Variants in HIVEP3 observed in about 807,000 individuals in gnomAD.
The protein encoded by HIVEP3 is HIVEP zinc finger 3.
Under a neutral mutation model 152.8 loss-of-function variants are expected in HIVEP3, and 49 were observed. The ratio of observed to expected loss-of-function variants is 0.32; its 90% CI spans 0.26 to 0.41. The LOEUF is 0.41. Ranked by LOEUF, HIVEP3 falls within the 10% of genes least tolerant of loss-of-function variation. The pLI is 1.00. For synonymous variants in HIVEP3, 1,269 were observed against 1,289.0 expected, an observed-to-expected ratio of 0.98 and a Z score of 0.33; for missense variants, 2,790 against 3,103.3, an observed-to-expected ratio of 0.90 and a Z score of 2.40.
In HIVEP3 at chr1:42,011,136, C is replaced by A. The variant is rs572590953; in HGVS notation, n.119+24671G>T. On this transcript the variant is annotated intron_variant and non_coding_transcript_variant, in intron 1 of 3. Coordinates refer to the HIVEP3 transcript ENST00000489103. ...TTTTTTTCTAGATGCCTTTAGCCAC[C>A]ATTTCAGAAGATTCCAAGAAGGCAG... Among the ~76,000 whole-genome samples the A allele has an allele frequency of 1.8e-4, 28 of 152,218 alleles. No homozygotes were observed. The South Asian group carries it at 4.8e-3, about 26-fold the overall frequency.
intron 5 of HIVEP3, among the ~76,000 whole-genome samples, chr1:41,541,762 C>T (rs1360105869): frequency 6.6e-6 from 1 of 152,216 alleles, no homozygotes; most frequent in East Asian, 1.9e-4. Flanking sequence ...TACTTAACCT[C>T]TCTGTGCCTC....
chr1:41,795,858 C>A (rs1375202485), intron 1 of HIVEP3, among the ~76,000 whole-genome samples: 1 of 152,152 alleles, frequency 6.6e-6, no homozygotes, highest in Non-Finnish European at 1.5e-5. Flanking sequence ...TCTGGAACTA[C>A]AAAATGTTTT....
At chr1:41,696,054 A>G (rs72957316) in intron 2 of HIVEP3, among the ~76,000 whole-genome samples, 3,842 of 152,304 alleles carry the variant, frequency 0.025, 166 homozygotes, top group African/African-American at 0.088. Context: ...ACTGCCACCT[A>G]ATACACAGGG....
chr1:41,773,049 C>G (rs1648478175), intron 1 of HIVEP3, among the ~76,000 whole-genome samples: 1 of 152,174 alleles, frequency 6.6e-6, no homozygotes, highest in Non-Finnish European at 1.5e-5. Context: ...TTCATGGAAT[C>G]AGTAAGTGGC....
intron 1 of HIVEP3, among the ~76,000 whole-genome samples, chr1:41,980,163 A>T (rs914779731): frequency 5.9e-5 from 9 of 152,240 alleles, no homozygotes; most frequent in African/African-American, 2.2e-4. Flanking sequence ...GTTTCTTAAA[A>T]CGTTAAACAT....
chr1:41,859,030 T>C (rs2124395437), intron 1 of HIVEP3, among the ~76,000 whole-genome samples: 1 of 152,330 alleles, frequency 6.6e-6, no homozygotes, highest in Non-Finnish European at 1.5e-5. Context: ...TGGGTGGCCT[T>C]GGGTATTAAT....
chr1:41,652,314 C>T (rs10890158), intron 2 of HIVEP3, among the ~76,000 whole-genome samples: 98,461 of 152,098 alleles, frequency 0.65, 32,133 homozygotes, highest in East Asian at 0.98. Context: ...TCCTTTGCTT[C>T]ATTTGCAAAG....
At chr1:41,660,376 A>C (rs1216724730) in intron 2 of HIVEP3, among the ~76,000 whole-genome samples, 1 of 152,258 alleles carries the variant, frequency 6.6e-6, no homozygotes, top group Admixed American at 6.5e-5. Flanking sequence ...CACATTCTGC[A>C]AAGTGTCCAT....
At chr1:41,886,568 T>C (rs1407947132) in intron 1 of HIVEP3, among the ~76,000 whole-genome samples, 1 of 151,584 alleles carries the variant, frequency 6.6e-6, no homozygotes, top group Non-Finnish European at 1.5e-5. Flanking sequence ...CAACATTAGT[T>C]GGGTGTGGTG....
chr1:41,949,617 C>G (rs1035291882), intron 1 of HIVEP3, among the ~76,000 whole-genome samples: 1 of 151,912 alleles, frequency 6.6e-6, no homozygotes, highest in Non-Finnish European at 1.5e-5. Context: ...AACACTGGAC[C>G]CTGGGGCCTC....
intron 5 of HIVEP3, among the ~76,000 whole-genome samples, chr1:41,570,119 C>G (rs538847410): frequency 6.6e-6 from 1 of 152,238 alleles, no homozygotes; most frequent in East Asian, 1.9e-4. Flanking sequence ...GTGTATAGAT[C>G]ACGTTGGGAC....
At chr1:41,666,953 A>G (rs1645805103) in intron 2 of HIVEP3, among the ~76,000 whole-genome samples, 1 of 152,166 alleles carries the variant, frequency 6.6e-6, no homozygotes, top group African/African-American at 2.4e-5. Flanking sequence ...CATTTTGCAC[A>G]TGCAGTTCCC....
At chr1:41,744,521 G>A (rs987137895) in intron 1 of HIVEP3, among the ~76,000 whole-genome samples, 1 of 152,224 alleles carries the variant, frequency 6.6e-6, no homozygotes, top group South Asian at 2.1e-4. Context: ...GTCAAATGGG[G>A]TTGAGTTCCT....
At chr1:41,671,583 C>A (rs570926842) in intron 2 of HIVEP3, among the ~76,000 whole-genome samples, 2 of 152,214 alleles carry the variant, frequency 1.3e-5, no homozygotes, top group Non-Finnish European at 2.9e-5. Flanking sequence ...CTATAGCTTC[C>A]ATCTTGGAGT....
At chr1:41,799,641 T>G (rs1359717738) in intron 1 of HIVEP3, among the ~76,000 whole-genome samples, 2 of 152,138 alleles carry the variant, frequency 1.3e-5, no homozygotes, top group African/African-American at 2.4e-5. Flanking sequence ...TAGATTCCCA[T>G]CTCCCTTTAA....
intron 1 of HIVEP3, among the ~76,000 whole-genome samples, chr1:42,017,458 T>C (rs1201836467): frequency 6.6e-6 from 1 of 152,120 alleles, no homozygotes; most frequent in Non-Finnish European, 1.5e-5. Flanking sequence ...GTCCCCTTAA[T>C]TCCCGCTTCT....
chr1:41,591,512 C>G (rs7555904), intron 3 of HIVEP3, among the ~76,000 whole-genome samples: 17,972 of 151,990 alleles, frequency 0.12, 1,418 homozygotes, highest in Non-Finnish European at 0.18. Flanking sequence ...AGGCTTCATA[C>G]CAACCCAGGG....
intron 1 of HIVEP3, among the ~76,000 whole-genome samples, chr1:41,827,573 C>T (rs928864343): frequency 6.6e-6 from 1 of 152,298 alleles, no homozygotes; most frequent in African/African-American, 2.4e-5. Flanking sequence ...TCCCCTCCCC[C>T]ATCCTAACCA....
rs1569952016 is a variant in HIVEP3 at position 41,571,516 on chromosome 1, C to T, written c.5207+4028G>A. ...GGGGAATGCAGAGGGGGCCATGTGCCAGGAAACTAGTGCAATAAACAGAGA... is the reference window on the plus strand; with the variant it reads ...GGGGAATGCAGAGGGGGCCATGTGCTAGGAAACTAGTGCAATAAACAGAGA... On this transcript the variant is annotated intron_variant, in intron 5 of 8. Transcript: ENST00000372583. Among the ~76,000 whole-genome samples, 4 of 152,250 alleles carry T rather than the reference C, an allele frequency of 2.6e-5. No individual in the cohort carries two copies. In the South Asian group the frequency reaches 8.3e-4, roughly 32 times the overall value.
Sources: gnomAD v4.1 joint callset for allele counts (sites outside exome capture counted in the v4.1 genomes callset) on GRCh38, gnomAD v4.1.1 for gene constraint, MANE v1.5 for transcripts, NCBI Gene and HGNC (gene_info 2026-07-23, HGNC 2026-07-21) for gene names.